CETN3: variants seen among roughly 807,000 people sequenced by gnomAD.
CETN3 encodes the protein centrin 3, also known as centrin-3.
CETN3 carries 17 observed loss-of-function variants against 20.1 expected under a neutral mutation model. The observed-to-expected ratio is 0.85, with a 90% CI of 0.58 to 1.27. CETN3 has a LOEUF of 1.27. Ranked by LOEUF, CETN3 falls within the 50% of genes most tolerant of loss-of-function variation. The pLI is 0.00. For synonymous variants in CETN3, 52 were observed against 59.7 expected, an observed-to-expected ratio of 0.87 and a Z score of 0.59; for missense variants, 169 against 191.2, an observed-to-expected ratio of 0.88 and a Z score of 0.69.
At position 90,409,671 on chromosome 5, in the gene CETN3, GCA is replaced by G; in HGVS notation, c.-12_-11del. 6.2e-7 allele frequency: 1 copy of G among 1,614,070 alleles called. No homozygotes were observed. On this transcript the variant is annotated 5_prime_UTR_variant, in exon 1 of 5. Coordinates refer to ENST00000283122, the MANE Select transcript of CETN3 (RefSeq NM_004365.4). ...TCAGAGCTAAACTCATTATCTCTTCGCACAGAGACGTTCCTCTCAAGAACGAT... is the reference window on the plus strand; with the variant it reads ...TCAGAGCTAAACTCATTATCTCTTCGCAGAGACGTTCCTCTCAAGAACGAT...
chr5:90,406,504 G>A (rs1749446980), intron 2 of CETN3, among the ~76,000 whole-genome samples: 1 of 151,570 alleles, frequency 6.6e-6, no homozygotes, highest in Non-Finnish European at 1.5e-5. Context: ...GAATTAGGAG[G>A]TGAATTCCAC....
chr5:90,409,712 C>A lies in CETN3; in HGVS notation c.-51G>T, dbSNP rs185550683. 8 of 1,613,144 alleles carry A rather than the reference C, an allele frequency of 5.0e-6. No homozygotes were observed. The highest frequency in any genetic ancestry group is 1.3e-5 in the African/African-American group (1 of 74,912). Reference sequence around the variant, plus strand: ...CTCAAGAACGATTTTAACCCCCTACCCAAGGCAGCAAGACGCCCACAGCCG... The same window carrying A: ...CTCAAGAACGATTTTAACCCCCTACACAAGGCAGCAAGACGCCCACAGCCG... On this transcript the variant is annotated 5_prime_UTR_variant, in exon 1 of 5. Transcript: ENST00000283122.
rs559951859 is a variant in CETN3 at position 90,393,403 on chromosome 5, C to T, written c.*661G>A. 2.7e-4 allele frequency: 41 copies of T among 152,218 alleles called. No individual in the cohort carries two copies. The highest frequency in any genetic ancestry group is 9.6e-4 in the African/African-American group (40 of 41,556). 9.4% of individuals were successfully genotyped at this position (152,218 alleles called of 1,614,324 possible). On this transcript the variant is annotated 3_prime_UTR_variant, in exon 5 of 5. Transcript: ENST00000283122. The stretch of plus-strand genomic sequence containing the variant: ...ATTCAGAAGAAAATTAACTTTCATA[C>T]TTACAATGATACCAAGTTAAGAAAC...
chr5:90,400,889 T>C (rs1211337545), intron 3 of CETN3, among the ~76,000 whole-genome samples: 1 of 152,188 alleles, frequency 6.6e-6, no homozygotes, highest in Non-Finnish European at 1.5e-5. Flanking sequence ...GAAGCTGGCA[T>C]ATCTACAGCC....
chr5:90,407,975 C>T, intron 1 of CETN3, 141 bp from the exon 2 acceptor site: 1 of 582,668 alleles, frequency 1.7e-6, no homozygotes, highest in Non-Finnish European at 2.8e-6. Context: ...GAGTCAATGA[C>T]CTGTTTATTC....
rs756574170 is a variant in CETN3, at chr5:90,405,707, G to C, written c.246C>G (p.Thr82=). 1.2e-6 allele frequency: 2 copies of C among 1,608,166 alleles called. No homozygotes were observed. Among genetic ancestry groups the C allele is most frequent in the Non-Finnish European group, 1.7e-6 (2 of 1,174,940 alleles). ...DYDREATGKI[T]FEDFNEVVTD... ...CACCAACTTCATTAAAATCTTCAAA[G>C]GTGATTTTCCCTGTGGCTTCTCTGT... Residue 82 remains threonine (T), a synonymous_variant, in exon 3 of 5, where the codon ACC becomes ACG. Coordinates refer to ENST00000283122, the MANE Select transcript of CETN3 (RefSeq NM_004365.4).
At chr5:90,400,843 G>A (rs1364312217) in intron 3 of CETN3, among the ~76,000 whole-genome samples, 1 of 152,118 alleles carries the variant, frequency 6.6e-6, no homozygotes, top group Non-Finnish European at 1.5e-5. Context: ...CTGTAAGTAT[G>A]CAAATCATCA....
chr5:90,402,184 C>T (rs946903923), intron 3 of CETN3, among the ~76,000 whole-genome samples: 2 of 152,132 alleles, frequency 1.3e-5, no homozygotes, highest in Non-Finnish European at 2.9e-5. Flanking sequence ...TTTCTTTTCA[C>T]CCTCGCCATC....
At chr5:90,398,850 G>GA (rs1192467519) in intron 4 of CETN3, among the ~76,000 whole-genome samples, 6 of 152,206 alleles carry the variant, frequency 3.9e-5, no homozygotes, top group Non-Finnish European at 5.9e-5. Context: ...GACACTACAA[G>GA]AGACTGCAAA....
chr5:90,399,165 C>T, intron 4 of CETN3, 193 bp downstream of exon 4: 2 of 607,936 alleles, frequency 3.3e-6, no homozygotes, highest in South Asian at 2.1e-5. Flanking sequence ...AAGTGAAGGA[C>T]CTTCTTGAAG....
chr5:90,406,032 C>T (rs1278018759), intron 2 of CETN3, among the ~76,000 whole-genome samples: 1 of 152,040 alleles, frequency 6.6e-6, no homozygotes, highest in Admixed American at 6.6e-5. Context: ...AAGTAACCAA[C>T]AAGTGTTTAC....
intron 2 of CETN3, among the ~76,000 whole-genome samples, chr5:90,406,816 A>G (rs1441940622): frequency 6.7e-6 from 1 of 149,862 alleles, no homozygotes; most frequent in East Asian, 2.0e-4. Flanking sequence ...CAGACATTAT[A>G]AAGGAAGATC....
Position 90,392,328 on chromosome 5 carries a change from A to C in CETN3, c.*1736T>G, listed in dbSNP as rs1359771080. On this transcript the variant is annotated 3_prime_UTR_variant, in exon 5 of 5. Coordinates refer to ENST00000283122, the MANE Select transcript of CETN3 (RefSeq NM_004365.4). ...ATATTTCATGATCAAGACAGAGGGA[A>C]CTCATCAGTGTGCGACAAAAATTTT... The C allele has an allele frequency of 6.6e-6, 1 of 152,096 alleles. No homozygotes were observed. Among genetic ancestry groups the C allele is most frequent in the Admixed American group, 6.5e-5 (1 of 15,276 alleles). The allele number at this position is 152,096 out of a possible 1,614,324, so 9.4% of individuals were successfully genotyped here.
chr5:90,395,820 A>C, intron 4 of CETN3: 1 of 858,058 alleles, frequency 1.2e-6, no homozygotes. Context: ...AGTTAGAAAA[A>C]ATTAACCAAT....
Position 90,402,209 on chromosome 5 carries a change from T to C in CETN3, c.269-2660A>G, listed in dbSNP as rs1184234644. Among the ~76,000 whole-genome samples the C allele has an allele frequency of 3.3e-5, 5 of 152,130 alleles. No individual in the cohort carries two copies. The East Asian group carries it at 9.6e-4, about 29-fold the overall frequency. On this transcript the variant is annotated intron_variant, in intron 3 of 4. Transcript: ENST00000283122. The stretch of plus-strand genomic sequence containing the variant: ...CCCTCGCCATCCTCAGCGAAAAAAA[T>C]AGTATTTTCTGTCTGCAGTCTCTCT...
intron 3 of CETN3, among the ~76,000 whole-genome samples, chr5:90,403,875 GAAAAAAAAAAAAA>G (rs60385437): frequency 1.2e-5 from 1 of 86,716 alleles, no homozygotes; most frequent in East Asian, 3.6e-4. Flanking sequence ...TGTCTCAAAA[GAAAAAAAAAAAAA>G]AAAAAAAAAA....
rs979003943 is a variant in CETN3, at chr5:90,393,143, C to T, written c.*921G>A. 3 of 152,126 alleles carry T rather than the reference C, an allele frequency of 2.0e-5. No individual in the cohort carries two copies. The highest frequency in any genetic ancestry group is 6.5e-5 in the Admixed American group (1 of 15,272). The allele number at this position is 152,126 out of a possible 1,614,324, so 9.4% of individuals were successfully genotyped here. A position where few individuals can be genotyped will look rare whatever the true frequency, so the allele number is the denominator to read the frequency against. The stretch of plus-strand genomic sequence containing the variant: ...ATACACTTCTACAAGGCAGAAGAGC[C>T]CACCAGTACTTGGAAACTGTGTCTC... On this transcript the variant is annotated 3_prime_UTR_variant, in exon 5 of 5. Coordinates refer to ENST00000283122, the MANE Select transcript of CETN3 (RefSeq NM_004365.4).
chr5:90,400,820 T>C (rs1194749239), intron 3 of CETN3, among the ~76,000 whole-genome samples: 2 of 152,178 alleles, frequency 1.3e-5, no homozygotes, highest in Admixed American at 6.5e-5. Context: ...AAGTAACTAA[T>C]TGAAGTATAT....
chr5:90,393,336 T>C lies in CETN3; in HGVS notation c.*728A>G, dbSNP rs1178236719. On this transcript the variant is annotated 3_prime_UTR_variant, in exon 5 of 5. Transcript: ENST00000283122. ...AATTTAAATCTCTCAGTCAAGAAGT[T>C]AGAAAATTCAAATTGTATTCATTCA... The C allele has an allele frequency of 6.6e-6, 1 of 152,224 alleles. No individual in the cohort carries two copies. The highest frequency in any genetic ancestry group is 1.5e-5 in the Non-Finnish European group (1 of 68,046). The allele number at this position is 152,224 out of a possible 1,614,324, so 9.4% of individuals were successfully genotyped here. A position where few individuals can be genotyped will look rare whatever the true frequency, so the allele number is the denominator to read the frequency against.
Sources: gnomAD v4.1 joint callset for allele counts (sites outside exome capture counted in the v4.1 genomes callset) on GRCh38, gnomAD v4.1.1 for gene constraint, MANE v1.5 for transcripts, NCBI Gene and HGNC (gene_info 2026-07-23, HGNC 2026-07-21) for gene names.